PARD3B: variants seen among roughly 807,000 people sequenced by gnomAD.
The protein encoded by PARD3B is partitioning defective 3 homolog B.
PARD3B carries 103 observed loss-of-function variants against 130.2 expected under a neutral mutation model. The observed-to-expected ratio is 0.79, with a 90% CI of 0.67 to 0.93. The LOEUF (loss-of-function observed/expected upper bound fraction) is 0.93. Among genes scored for constraint, PARD3B ranks in the 40% least tolerant of loss-of-function variants. PARD3B has a pLI of 0.00. For missense variants in PARD3B, 1,609 were observed against 1,499.2 expected (o/e 1.07, Z -1.21); for synonymous variants, 583 against 553.2 (o/e 1.05, Z -0.76).
intron 22 of PARD3B, among the ~76,000 whole-genome samples, chr2:205,581,360 T>TGTAC (rs1186152664): frequency 3.1e-4 from 46 of 146,196 alleles, no homozygotes; most frequent in African/African-American, 1.1e-3. Context: ...TGTACGTGTG[T>TGTAC]GTACGTGTGT....
At chr2:205,380,954 GTATA>G (rs1559035152) in intron 18 of PARD3B, among the ~76,000 whole-genome samples, 3 of 13,412 alleles carry the variant, frequency 2.2e-4, no homozygotes, top group African/African-American at 4.1e-4. Context: ...AATATATAAT[GTATA>G]TAATATCTAA....
intron 10 of PARD3B, among the ~76,000 whole-genome samples, chr2:205,126,574 T>C (rs900836392): frequency 1.1e-3 from 162 of 145,058 alleles, no homozygotes; most frequent in Non-Finnish European, 1.8e-3. Flanking sequence ...ACCCCGTCTC[T>C]ACTAAAAATA....
chr2:204,964,809 TA>T (rs1482989217), intron 2 of PARD3B, among the ~76,000 whole-genome samples: 1 of 152,128 alleles, frequency 6.6e-6, no homozygotes, highest in Non-Finnish European at 1.5e-5. Flanking sequence ...CACTCTTTAA[TA>T]AAGAGTTAAT....
intron 2 of PARD3B, among the ~76,000 whole-genome samples, chr2:204,876,329 T>C (rs1342007858): frequency 6.6e-6 from 1 of 152,230 alleles, no homozygotes; most frequent in Non-Finnish European, 1.5e-5. Context: ...GTATCTCTAG[T>C]TTAAATGCAA....
Position 205,366,362 on chromosome 2 carries a change from A to G in PARD3B, c.2631-34651A>G, listed in dbSNP as rs1210886216. 1.3e-5 allele frequency among the ~76,000 whole-genome samples: 2 copies of G among 152,158 alleles called. No individual in the cohort carries two copies. The highest frequency in any genetic ancestry group is 2.4e-5 in the African/African-American group (1 of 41,442). On this transcript the variant is annotated intron_variant, in intron 18 of 22. Coordinates refer to ENST00000406610, the MANE Select transcript of PARD3B (RefSeq NM_001302769.2). The surrounding 1 kb of genome is among the most constrained non-coding windows in gnomAD (Gnocchi z 5.0). ...CTCAAATTTGCTGTGCAGTGCTTAC[A>G]TGGACAGAGGTAAAGAATTTCCTAC...
chr2:205,331,830 A>G (rs2043146562), intron 18 of PARD3B, among the ~76,000 whole-genome samples: 1 of 141,718 alleles, frequency 7.1e-6, no homozygotes, highest in Non-Finnish European at 1.5e-5. Flanking sequence ...ATATTTGGCC[A>G]GGCACAGTGG....
At chr2:204,937,364 T>C (rs1688544261) in intron 2 of PARD3B, among the ~76,000 whole-genome samples, 1 of 152,218 alleles carries the variant, frequency 6.6e-6, no homozygotes, top group South Asian at 2.1e-4. Flanking sequence ...GGTACTTGAC[T>C]GTAGTTCCTT....
chr2:205,198,205 C>T (rs1408909322), intron 15 of PARD3B, among the ~76,000 whole-genome samples: 1 of 152,278 alleles, frequency 6.6e-6, no homozygotes, highest in African/African-American at 2.4e-5. Flanking sequence ...CTCCCACGCC[C>T]ATTTCAGAAG....
chr2:205,107,499 A>C (rs1220823927), intron 5 of PARD3B, among the ~76,000 whole-genome samples: 3 of 152,240 alleles, frequency 2.0e-5, no homozygotes, highest in Non-Finnish European at 4.4e-5. Context: ...CTGAAGAAAC[A>C]TTAATTGCTA....
intron 3 of PARD3B, among the ~76,000 whole-genome samples, chr2:204,998,912 G>T (rs908094507): frequency 6.6e-6 from 1 of 152,080 alleles, no homozygotes; most frequent in Non-Finnish European, 1.5e-5. Context: ...CAAGGTTTCA[G>T]TGTGCTGGAC....
At chr2:204,965,411 A>G (rs1160154105) in intron 3 of PARD3B, 88 bp downstream of exon 3, 1 of 1,316,750 alleles carries the variant, frequency 7.6e-7, no homozygotes, top group Non-Finnish European at 1.1e-6. Context: ...TGTGACTTTC[A>G]TCCTGTTAAT....
At chr2:205,501,668 A>C (rs1248748458) in intron 21 of PARD3B, among the ~76,000 whole-genome samples, 2 of 152,162 alleles carry the variant, frequency 1.3e-5, no homozygotes, top group African/African-American at 2.4e-5. Context: ...CTATGAGCAA[A>C]ATAAGACAAA....
chr2:205,370,375 G>T (rs550386511), intron 18 of PARD3B, among the ~76,000 whole-genome samples: 1 of 152,162 alleles, frequency 6.6e-6, no homozygotes, highest in African/African-American at 2.4e-5. Context: ...ATTGCAGAAA[G>T]TAGGAGAATC....
At position 204,863,151 on chromosome 2, in the gene PARD3B, A is replaced by G. The variant is rs552308405; in HGVS notation, c.223-102001A>G. On this transcript the variant is annotated intron_variant, in intron 2 of 22. Transcript: ENST00000406610. ...GGACCCTTGGCTGTCTCCTGTCTCT[A>G]TCAATACCTCTTGCCTCCTCTCCCA... 9.2e-4 allele frequency among the ~76,000 whole-genome samples: 140 copies of G among 152,276 alleles called. 1 individual carries two copies. Among genetic ancestry groups the G allele is most frequent in the Non-Finnish European group, 1.6e-3 (110 of 68,024 alleles).
chr2:205,452,228 C>G (rs1484634491), intron 20 of PARD3B, among the ~76,000 whole-genome samples: 1 of 152,192 alleles, frequency 6.6e-6, no homozygotes, highest in Non-Finnish European at 1.5e-5. Context: ...TGAGCCATAG[C>G]ATTGTCATGT....
chr2:205,465,326 A>G (rs1434615417), intron 20 of PARD3B, among the ~76,000 whole-genome samples: 1 of 152,164 alleles, frequency 6.6e-6, no homozygotes, highest in Non-Finnish European at 1.5e-5. Context: ...TTCCCAAGGT[A>G]CAAACGAGGA....
At chr2:205,402,539 C>T (rs148261341) in intron 19 of PARD3B, among the ~76,000 whole-genome samples, 2 of 152,232 alleles carry the variant, frequency 1.3e-5, no homozygotes, top group Non-Finnish European at 2.9e-5. Context: ...GGGAAAAAAA[C>T]TCTTAGTAGC....
At chr2:204,709,153 ATTCCGT>A (rs1345638607) in intron 2 of PARD3B, among the ~76,000 whole-genome samples, 4 of 152,184 alleles carry the variant, frequency 2.6e-5, no homozygotes, top group African/African-American at 9.7e-5. Context: ...TGAAAAAAAA[ATTCCGT>A]TTCCAGAATT....
intron 10 of PARD3B, among the ~76,000 whole-genome samples, chr2:205,155,594 C>A (rs2034066261): frequency 6.6e-6 from 1 of 151,994 alleles, no homozygotes; most frequent in African/African-American, 2.4e-5. Flanking sequence ...AAACACTTTC[C>A]ACATCATAGT....
Sources: allele counts gnomAD v4.1 joint callset (sites outside exome capture counted in the v4.1 genomes callset), GRCh38; gene constraint gnomAD v4.1.1; non-coding constraint Gnocchi (gnomAD v3.1); transcripts MANE v1.5; gene names NCBI Gene and HGNC (gene_info 2026-07-23, HGNC 2026-07-21).